ITIH5: variants seen among roughly 807,000 people sequenced by gnomAD.
The protein encoded by ITIH5 is inter-alpha-trypsin inhibitor heavy chain H5.
In ITIH5, 65 loss-of-function variants were observed where a neutral mutation model predicts 77.5. The observed-to-expected ratio is 0.84, with a 90% confidence interval of 0.69 to 1.03. ITIH5 has a LOEUF of 1.03. ITIH5 is among the 50% of genes least tolerant of loss of function. ITIH5 has a pLI of 0.00. For missense variants in ITIH5, 1,208 were observed against 1,213.1 expected, an observed-to-expected ratio of 1.00 and a Z score of 0.06; for synonymous variants, 525 against 494.3, an observed-to-expected ratio of 1.06 and a Z score of -0.82.
In ITIH5 at chr10:7,562,235, A is replaced by T. The variant is rs1177093316; in HGVS notation, c.*848T>A. ...ACTATGACAAAGGCTGGAGAGCTCC[A>T]AGTAAAAGATGCATCATTCACTTGG... On this transcript the variant is annotated 3_prime_UTR_variant, in exon 14 of 14. Coordinates refer to ENST00000397146, the MANE Select transcript of ITIH5 (RefSeq NM_030569.7). The T allele has an allele frequency of 6.6e-6, 1 of 152,304 alleles. No individual in the cohort carries two copies. The highest frequency in any genetic ancestry group is 1.9e-4 in the East Asian group (1 of 5,194). 9.4% of individuals were successfully genotyped at this position (152,304 alleles called of 1,614,324 possible). A position where few individuals can be genotyped will look rare whatever the true frequency, so the allele number is the denominator to read the frequency against.
chr10:7,652,022 A>C (rs929046684), intron 2 of ITIH5, among the ~76,000 whole-genome samples: 1 of 152,208 alleles, frequency 6.6e-6, no homozygotes, highest in Non-Finnish European at 1.5e-5. Flanking sequence ...GCAGACACCA[A>C]GACAGACCCT....
chr10:7,637,107 T>C (rs1015249939), intron 5 of ITIH5, 121 bp downstream of exon 5: 7 of 1,270,936 alleles, frequency 5.5e-6, no homozygotes, highest in Admixed American at 2.2e-5. Flanking sequence ...TTCCAGTTCC[T>C]ACAAAAATGC....
intron 1 of ITIH5, among the ~76,000 whole-genome samples, chr10:7,661,193 G>T (rs1834271160): frequency 6.6e-6 from 1 of 152,140 alleles, no homozygotes; most frequent in African/African-American, 2.4e-5. Context: ...TGGAAAACTT[G>T]TCTTCCACAA....
At chr10:7,613,339 C>G (rs1170928459) in intron 7 of ITIH5, among the ~76,000 whole-genome samples, 1 of 151,956 alleles carries the variant, frequency 6.6e-6, no homozygotes. Flanking sequence ...TATGTGGCCT[C>G]TAAAACATCA....
intron 7 of ITIH5, chr10:7,609,501 C>T: frequency 2.2e-6 from 1 of 456,530 alleles, no homozygotes; most frequent in South Asian, 1.6e-5. Flanking sequence ...TGTCCTAGAG[C>T]ATAAAGTAAG....
chr10:7,586,187 C>A, intron 7 of ITIH5, 118 bp from the exon 8 acceptor site: 1 of 868,714 alleles, frequency 1.2e-6, no homozygotes, highest in Non-Finnish European at 1.7e-6. Context: ...TCAGTGTCAG[C>A]TATGTAAAGG....
In ITIH5 at chr10:7,631,074, C is replaced by A. The variant is rs142553864; in HGVS notation, c.652+6154G>T. Among the ~76,000 whole-genome samples, 69 of 151,862 alleles carry A rather than the reference C, an allele frequency of 4.5e-4. 1 individual carries two copies. The highest frequency in any genetic ancestry group is 1.6e-3 in the African/African-American group (67 of 41,414). ...AAAAAGAGTTTAGAAAACAAAGTGG[C>A]GGGAACTACAGCGGAATATTGCTAG... On this transcript the variant is annotated intron_variant, in intron 5 of 13. Coordinates refer to ENST00000397146, the MANE Select transcript of ITIH5 (RefSeq NM_030569.7).
intron 7 of ITIH5, among the ~76,000 whole-genome samples, chr10:7,596,602 A>G (rs989498880): frequency 1.6e-4 from 24 of 152,186 alleles, no homozygotes; most frequent in Admixed American, 9.2e-4. Context: ...CGCCTCCTGC[A>G]CAATGATCAC....
At position 7,649,538 on chromosome 10, in the gene ITIH5, G is replaced by A. The variant is rs57407712; in HGVS notation, c.135+6093C>T. Among the ~76,000 whole-genome samples, 14 of 152,102 alleles carry A rather than the reference G, an allele frequency of 9.2e-5. No homozygotes were observed. In the South Asian group the frequency reaches 1.5e-3, roughly 16 times the overall value. ...GATAGATGGATAGATAGATAGGTAG[G>A]TAGATAGATAGATAGATAGATACCT... On this transcript the variant is annotated intron_variant, in intron 2 of 13. Transcript: ENST00000397146.
rs1408251382 is a variant in ITIH5 at position 7,561,047 on chromosome 10, A to G, written c.*2036T>C. The G allele has an allele frequency of 4.2e-5, 6 of 143,660 alleles. No individual in the cohort carries two copies. 8.9% of individuals were successfully genotyped at this position (143,660 alleles called of 1,614,324 possible). On this transcript the variant is annotated 3_prime_UTR_variant, in exon 14 of 14. Transcript: ENST00000397146. ...TTTCAGGTACTGACCCCATTTGAAA[A>G]AAAAAAAAAAGATCTACACGTAAAG...
At chr10:7,593,442 A>C (rs7475734) in intron 7 of ITIH5, among the ~76,000 whole-genome samples, 2,154 of 15,170 alleles carry the variant, frequency 0.14, 263 homozygotes, top group Middle Eastern at 0.26. Context: ...ACCCCTGCAG[A>C]CTGCAGCCAC....
chr10:7,603,931 G>A (rs554990254), intron 7 of ITIH5, among the ~76,000 whole-genome samples: 7 of 152,254 alleles, frequency 4.6e-5, no homozygotes, highest in African/African-American at 7.2e-5. Flanking sequence ...CTTGGTCTGC[G>A]TGGACTGCCT....
Position 7,579,766 on chromosome 10 carries a change from C to T in ITIH5, c.1407G>A (p.Ser469=), listed in dbSNP as rs373527198. The part of the protein sequence containing the change: ...RRVHEEEDAG[S]QLIGFYDEIR... ...GACAGACCACAGACCCGATGAGCTG[C>T]GAGCCTGCGTCCTCCTCCTCGTGCA... is the stretch of plus-strand genomic sequence containing the variant. The change falls in exon 9 of 14, where the codon TCG becomes TCA. Residue 469 remains serine, a synonymous_variant. Coordinates refer to ENST00000397146, the MANE Select transcript of ITIH5 (RefSeq NM_030569.7). 4.1e-5 allele frequency: 66 copies of T among 1,613,258 alleles called. No homozygotes were observed. The highest frequency in any genetic ancestry group is 3.5e-4 in the African/African-American group (26 of 75,056).
At chr10:7,641,680 A>T (rs866799201) in intron 3 of ITIH5, among the ~76,000 whole-genome samples, 2 of 70,432 alleles carry the variant, frequency 2.8e-5, no homozygotes, top group Admixed American at 3.7e-4. Context: ...GAGGCAGGGA[A>T]GGAGGGAGGG....
rs767409400 is a variant in ITIH5, at chr10:7,563,332, G to C, written c.2580C>G (p.Ser860Arg). The change falls in exon 14 of 14, where the codon AGC (serine) becomes AGG (arginine). Residue 860 changes from serine to arginine, a missense_variant. By Grantham distance (110) the Ser-to-Arg change is moderately radical (BLOSUM62 -1). Transcript: ENST00000397146. ...GGAGCAGAGGGTGAGTGAGGTTCTGGCTGGGCCCTGCAGGGTCTTCTGTGA... is the reference window on the plus strand; with the variant it reads ...GGAGCAGAGGGTGAGTGAGGTTCTGCCTGGGCCCTGCAGGGTCTTCTGTGA... ...ARLTEDPAGP[S>R]QNLTHPLLLQ... is the part of the protein sequence containing the mutation. The C allele has an allele frequency of 1.9e-6, 3 of 1,614,050 alleles. No individual in the cohort carries two copies. The highest frequency in any genetic ancestry group is 1.7e-6 in the Non-Finnish European group (2 of 1,180,026).
Position 7,609,767 on chromosome 10 carries a change from C to T in ITIH5, c.939+6215G>A, listed in dbSNP as rs181533025. Among the ~76,000 whole-genome samples the T allele has an allele frequency of 2.0e-4, 30 of 152,266 alleles. 1 individual carries two copies. Among genetic ancestry groups the T allele is most frequent in the Admixed American group, 1.5e-3 (23 of 15,290 alleles). On this transcript the variant is annotated intron_variant, in intron 7 of 13. Transcript: ENST00000397146. ...CAGAGTGTGGGAACAGGTTTGAAGACCATTAAAGCATGGAAAACATCTGGT... is the reference window on the plus strand; with the variant it reads ...CAGAGTGTGGGAACAGGTTTGAAGATCATTAAAGCATGGAAAACATCTGGT...
At chr10:7,612,326 G>A (rs1409962669) in intron 7 of ITIH5, among the ~76,000 whole-genome samples, 1 of 152,128 alleles carries the variant, frequency 6.6e-6, no homozygotes, top group African/African-American at 2.4e-5. Flanking sequence ...TAAAAATTCA[G>A]TTCCTCACTT....
intron 5 of ITIH5, among the ~76,000 whole-genome samples, chr10:7,636,372 A>G (rs952490182): frequency 6.6e-6 from 1 of 152,190 alleles, no homozygotes; most frequent in Non-Finnish European, 1.5e-5. Flanking sequence ...AGAATATAAC[A>G]TATTGCTGAA....
At chr10:7,573,760 T>C (rs1284312405) in intron 10 of ITIH5, among the ~76,000 whole-genome samples, 1 of 152,136 alleles carries the variant, frequency 6.6e-6, no homozygotes, top group Non-Finnish European at 1.5e-5. Flanking sequence ...TATTTAATTA[T>C]TGTATGATTT....
Sources: allele counts gnomAD v4.1 joint callset (sites outside exome capture counted in the v4.1 genomes callset), GRCh38; gene constraint gnomAD v4.1.1; transcripts MANE v1.5; gene names NCBI Gene and HGNC (gene_info 2026-07-23, HGNC 2026-07-21).